The following RNPEP variants were observed in gnomAD, a reference collection of about 807,000 sequenced individuals.
RNPEP encodes arginyl aminopeptidase, also known as aminopeptidase B.
In RNPEP, 57 loss-of-function variants were observed where a neutral mutation model predicts 70.1. The ratio of observed to expected loss-of-function variants is 0.81; its 90% CI spans 0.66 to 1.01. The LOEUF is 1.01. Among genes scored for constraint, RNPEP ranks in the 50% least tolerant of loss-of-function variants. RNPEP has a pLI of 0.00. For missense variants in RNPEP, 787 were observed against 852.4 expected (o/e 0.92, Z 0.96); for synonymous variants, 335 against 357.4 (o/e 0.94, Z 0.71).
At chr1:201,993,772 C>T (rs1343561447) in intron 3 of RNPEP, among the ~76,000 whole-genome samples, 1 of 152,160 alleles carries the variant, frequency 6.6e-6, no homozygotes, top group Non-Finnish European at 1.5e-5. Flanking sequence ...GAGCAAGACT[C>T]CGTCTCAACA....
chr1:201,998,043 G>A (rs987540062), intron 5 of RNPEP, among the ~76,000 whole-genome samples: 17 of 152,242 alleles, frequency 1.1e-4, no homozygotes, highest in African/African-American at 1.9e-4. Context: ...GATTACAGGC[G>A]TGAGCCACCA....
intron 8 of RNPEP, among the ~76,000 whole-genome samples, chr1:202,002,295 C>T (rs1316064063): frequency 1.3e-5 from 2 of 152,040 alleles, no homozygotes; most frequent in African/African-American, 4.8e-5. Context: ...TCCCGAGTAG[C>T]TGGGATTACA....
Position 201,994,752 on chromosome 1 carries a change from T to A in RNPEP, c.738-1395T>A, listed in dbSNP as rs188163828. ...TGCAATCTTGGCTCCCCGCAACCTC[T>A]GCCACCCAGGTTCAAGCGATTCTCC... On this transcript the variant is annotated intron_variant, in intron 3 of 10. Transcript: ENST00000295640. Among the ~76,000 whole-genome samples the A allele has an allele frequency of 1.0e-3, 155 of 150,590 alleles. 1 individual carries two copies. The highest frequency in any genetic ancestry group is 6.9e-3 in the Middle Eastern group (2 of 290).
At position 201,996,198 on chromosome 1, in the gene RNPEP, C is replaced by A. The variant is rs367783951; in HGVS notation, c.789C>A (p.Tyr263Ter). Residue 263 changes from tyrosine (Y) to a stop codon, truncating the protein, a stop_gained, in exon 4 of 11, where the codon TAC becomes TAA. Coordinates refer to ENST00000295640, the MANE Select transcript of RNPEP (RefSeq NM_020216.4). LOFTEE classifies it high-confidence loss of function. ...PCLIDAAKEE[Y>*]NGVIEEFLAT... ...TGATTGATGCTGCCAAGGAGGAGTA[C>A]AACGGGGTGATAGAAGAATTTTTGG... 6.2e-7 allele frequency: 1 copy of A among 1,614,166 alleles called. No individual in the cohort carries two copies. Among genetic ancestry groups the A allele is most frequent in the South Asian group, 1.1e-5 (1 of 91,088 alleles).
At position 201,983,116 on chromosome 1, in the gene RNPEP, G is replaced by A. The variant is rs61241020; in HGVS notation, c.447+3G>A. On this transcript the variant is annotated splice_donor_region_variant and intron_variant, in intron 1 of 10. Transcript: ENST00000295640. ...ACCGCGTCGGGGAGGGACCCGGGGT[G>A]AGTGCGCCCCAGACTGCGCCCGCCG... 9.1e-3 allele frequency: 13,424 copies of A among 1,471,228 alleles called. 963 individuals are homozygous for A. In the African/African-American group the frequency reaches 0.16, roughly 18 times the overall value. The allele number at this position is 1,471,228 out of a possible 1,614,324, so 91.1% of individuals were successfully genotyped here.
chr1:201,987,213 T>G (rs1683159831), intron 1 of RNPEP, among the ~76,000 whole-genome samples: 1 of 152,112 alleles, frequency 6.6e-6, no homozygotes. Context: ...GTCTCCTCCC[T>G]TCCTTTCCAG....
At position 202,001,408 on chromosome 1, in the gene RNPEP, C is replaced by T; in HGVS notation, c.1237C>T (p.Pro413Ser). The stretch of plus-strand genomic sequence containing the variant: ...CCCGGACGACACCTATAATGAGACC[C>T]CCTACGAGAAAGGTTTCTGCTTTGT... ...VDPDDTYNET[P>S]YEKGFCFVSY... Residue 413 changes from proline (P) to serine (S), a missense_variant, in exon 7 of 11, where the codon CCC (proline) becomes TCC (serine). By Grantham distance (74) the Pro-to-Ser change is moderately conservative. Transcript: ENST00000295640. 1 of 1,613,948 alleles carries T rather than the reference C, an allele frequency of 6.2e-7. No homozygotes were observed. Among genetic ancestry groups the T allele is most frequent in the Non-Finnish European group, 8.5e-7 (1 of 1,179,830 alleles).
chr1:201,990,836 C>T (rs1256224671), intron 3 of RNPEP, among the ~76,000 whole-genome samples: 3 of 152,156 alleles, frequency 2.0e-5, no homozygotes, highest in Admixed American at 2.0e-4. Flanking sequence ...TTGCAATAGA[C>T]AAGCAAGTAG....
intron 1 of RNPEP, chr1:201,983,373 C>T (rs1683011232): frequency 6.7e-7 from 1 of 1,501,790 alleles, no homozygotes; most frequent in Middle Eastern, 2.2e-4. Context: ...CCTTCCGCGT[C>T]TCCTCCCTGG....
intron 3 of RNPEP, among the ~76,000 whole-genome samples, chr1:201,990,060 C>G (rs148608096): frequency 0.022 from 3,321 of 152,158 alleles, 56 homozygotes; most frequent in Middle Eastern, 0.068. Context: ...GGCCAGGCTG[C>G]TCTTGAACTC....
Position 201,997,374 on chromosome 1 carries a change from T to G in RNPEP, c.910T>G (p.Cys304Gly). The G allele has an allele frequency of 6.2e-7, 1 of 1,614,144 alleles. No homozygotes were observed. Among genetic ancestry groups the G allele is most frequent in the Middle Eastern group, 1.6e-4 (1 of 6,062 alleles). ...SFPFGGMENP[C>G]LTFVTPCLLA... is the part of the protein sequence containing the mutation. ...TCCATTTGGAGGAATGGAGAACCCTTGTCTGACCTTTGTCACCCCCTGCCT... is the reference window on the plus strand; with the variant it reads ...TCCATTTGGAGGAATGGAGAACCCTGGTCTGACCTTTGTCACCCCCTGCCT... Residue 304 changes from cysteine (C) to glycine (G), a missense_variant, in exon 5 of 11, where the codon TGT (cysteine) becomes GGT (glycine). Coordinates refer to ENST00000295640, the MANE Select transcript of RNPEP (RefSeq NM_020216.4).
intron 6 of RNPEP, among the ~76,000 whole-genome samples, chr1:202,000,826 A>G (rs1240253977): frequency 2.0e-5 from 3 of 151,218 alleles, no homozygotes; most frequent in Non-Finnish European, 4.4e-5. Context: ...CCCAGGAGGC[A>G]GAGGTTGCAG....
intron 10 of RNPEP, 126 bp downstream of exon 10, chr1:202,004,622 T>A: frequency 8.7e-7 from 1 of 1,152,714 alleles, no homozygotes; most frequent in Non-Finnish European, 1.2e-6. Flanking sequence ...GCAAATGACC[T>A]GAGGACCCTA....
intron 1 of RNPEP, 99 bp from the exon 2 acceptor site, chr1:201,988,805 G>T (rs1683222318): frequency 2.9e-5 from 41 of 1,425,778 alleles, no homozygotes; most frequent in Non-Finnish European, 3.6e-5. Context: ...AGGTTTTAAG[G>T]ATTACCTAAA....
chr1:201,986,536 C>CTTTTTT (rs374147270), intron 1 of RNPEP, among the ~76,000 whole-genome samples: 2 of 80,624 alleles, frequency 2.5e-5, no homozygotes, highest in Non-Finnish European at 2.5e-5. Flanking sequence ...CATTTTCTTT[C>CTTTTTT]TTTTTTTTTT....
chr1:201,983,464 T>C lies in RNPEP; in HGVS notation c.447+351T>C, dbSNP rs773041053. On this transcript the variant is annotated intron_variant, in intron 1 of 10. Coordinates refer to ENST00000295640, the MANE Select transcript of RNPEP (RefSeq NM_020216.4). ...CTAACATTTTCCGTGGCTTTCTAGA[T>C]GACCTGTTGTTCATGCACTTCACTT... is the stretch of plus-strand genomic sequence containing the variant. The C allele has an allele frequency of 3.7e-5, 51 of 1,396,218 alleles. No homozygotes were observed. In the South Asian group the frequency reaches 6.2e-4, roughly 17 times the overall value. The allele number at this position is 1,396,218 out of a possible 1,614,324, so 86.5% of individuals were successfully genotyped here.
At position 201,982,982 on chromosome 1, in the gene RNPEP, G is replaced by T; in HGVS notation, c.316G>T (p.Glu106Ter). The change falls in exon 1 of 11, where the codon GAG (glutamate) becomes TAG (stop). Residue 106 changes from glutamate to a stop codon, truncating the protein, a stop_gained. Transcript: ENST00000295640. LOFTEE classifies it high-confidence loss of function. ...ERPGSEEPPA[E>*]PVSFYTQPFS... is the part of the protein sequence containing the mutation. ...GCCCGGCTCGGAGGAGCCGCCTGCG[G>T]AGCCCGTGAGCTTCTACACGCAGCC... The T allele has an allele frequency of 6.6e-7, 1 of 1,512,610 alleles. No individual in the cohort carries two copies. Among genetic ancestry groups the T allele is most frequent in the East Asian group, 2.8e-5 (1 of 35,838 alleles). The allele number at this position is 1,512,610 out of a possible 1,614,324, so 93.7% of individuals were successfully genotyped here.
chr1:201,991,893 A>T (rs1257666206), intron 3 of RNPEP, among the ~76,000 whole-genome samples: 1 of 152,048 alleles, frequency 6.6e-6, no homozygotes, highest in Non-Finnish European at 1.5e-5. Flanking sequence ...TCACAAAGTA[A>T]TTCCTTGAAG....
intron 3 of RNPEP, 51 bp from the exon 4 acceptor site, chr1:201,996,096 C>T: frequency 2.0e-6 from 3 of 1,464,136 alleles, no homozygotes; most frequent in Non-Finnish European, 2.9e-6. Context: ...GATCAGGTCA[C>T]TGCGATGGTC....
Sources: allele counts gnomAD v4.1 joint callset (sites outside exome capture counted in the v4.1 genomes callset), GRCh38; gene constraint gnomAD v4.1.1; transcripts MANE v1.5; gene names NCBI Gene and HGNC (gene_info 2026-07-23, HGNC 2026-07-21).